The following CABIN1 variants were observed in gnomAD, a reference collection of about 807,000 sequenced individuals.
The protein encoded by CABIN1 is calcineurin-binding protein cabin-1.
A neutral mutation model predicts 227.7 loss-of-function variants in CABIN1; 133 were observed. The observed-to-expected ratio is 0.58, with a 90% CI of 0.51 to 0.67. The LOEUF (loss-of-function observed/expected upper bound fraction) is 0.67. CABIN1 is among the 30% of genes least tolerant of loss of function. The pLI, the probability that CABIN1 is intolerant of heterozygous loss-of-function variation, is 0.00. For missense variants in CABIN1, 2,408 were observed against 2,852.5 expected (o/e 0.84, Z 3.55); for synonymous variants, 1,086 against 1,155.1 (o/e 0.94, Z 1.21).
chr22:24,100,753 G>A (rs1325216121), intron 26 of CABIN1, among the ~76,000 whole-genome samples: 6 of 152,206 alleles, frequency 3.9e-5, no homozygotes, highest in African/African-American at 1.2e-4. Flanking sequence ...CAAAGGATCT[G>A]ATTTCCAGTC....
Position 24,119,547 on chromosome 22 carries a change from C to G in CABIN1, c.4481C>G (p.Pro1494Arg), listed in dbSNP as rs1342115408. The G allele has an allele frequency of 1.9e-6, 3 of 1,613,920 alleles. No homozygotes were observed. The change falls in exon 28 of 37, where the codon CCC (proline) becomes CGC (arginine). Residue 1494 changes from proline to arginine, a missense_variant. Coordinates refer to ENST00000263119, the MANE Select transcript of CABIN1 (RefSeq NM_012295.4). ...GDLPGEPVAFPQGLPAGAEEQ... is the reference protein window; with the variant it reads ...GDLPGEPVAFRQGLPAGAEEQ... ...CTCCCAGGGGAGCCAGTGGCCTTCCCCCAGGGGCTGCCGGCTGGTGCTGAG... is the reference window on the plus strand; with the variant it reads ...CTCCCAGGGGAGCCAGTGGCCTTCCGCCAGGGGCTGCCGGCTGGTGCTGAG...
chr22:24,013,669 G>A (rs972174562), intron 1 of CABIN1, among the ~76,000 whole-genome samples: 3 of 152,170 alleles, frequency 2.0e-5, no homozygotes, highest in African/African-American at 7.2e-5. Flanking sequence ...CATTACAGAT[G>A]TGATATGAAT....
At chr22:24,068,990 A>G (rs1469161811) in intron 16 of CABIN1, among the ~76,000 whole-genome samples, 1 of 152,258 alleles carries the variant, frequency 6.6e-6, no homozygotes, top group African/African-American at 2.4e-5. Flanking sequence ...CAACAGAGAG[A>G]TAAAAAGAGT....
chr22:24,117,548 G>C (rs913688300), intron 27 of CABIN1, among the ~76,000 whole-genome samples: 13 of 151,750 alleles, frequency 8.6e-5, no homozygotes, highest in East Asian at 3.9e-4. Context: ...GTTTTTTTGG[G>C]GGGGGGGTTA....
At chr22:24,142,947 C>T (rs544325166) in intron 29 of CABIN1, among the ~76,000 whole-genome samples, 1 of 152,192 alleles carries the variant, frequency 6.6e-6, no homozygotes, top group South Asian at 2.1e-4. Context: ...TTCATGCCAC[C>T]GCTGCTTGTC....
chr22:24,155,606 A>T (rs1381543030), intron 29 of CABIN1, among the ~76,000 whole-genome samples: 2 of 152,178 alleles, frequency 1.3e-5, no homozygotes, highest in Non-Finnish European at 2.9e-5. Context: ...TGTAACAGCA[A>T]GGACAGCTCG....
intron 5 of CABIN1, among the ~76,000 whole-genome samples, chr22:24,041,996 T>A (rs1410575656): frequency 2.6e-5 from 4 of 152,196 alleles, no homozygotes; most frequent in Non-Finnish European, 5.9e-5. Flanking sequence ...CTGTTGCCCA[T>A]GCTGGAGTGC....
At chr22:24,148,099 C>T (rs1317414890) in intron 29 of CABIN1, among the ~76,000 whole-genome samples, 3 of 152,172 alleles carry the variant, frequency 2.0e-5, no homozygotes, top group Admixed American at 2.0e-4. Flanking sequence ...TTAGAAGTTT[C>T]CCTCTTGAGA....
intron 26 of CABIN1, among the ~76,000 whole-genome samples, chr22:24,106,400 A>G (rs577920530): frequency 6.6e-6 from 1 of 152,332 alleles, no homozygotes; most frequent in East Asian, 1.9e-4. Context: ...CTCCCAGAGC[A>G]GGGGCTTCCT....
chr22:24,063,080 C>A lies in CABIN1; in HGVS notation c.1818C>A (p.Phe606Leu), dbSNP rs1355540899. 6.2e-7 allele frequency: 1 copy of A among 1,614,158 alleles called. No homozygotes were observed. The highest frequency in any genetic ancestry group is 8.5e-7 in the Non-Finnish European group (1 of 1,180,036). ...TTGCCTCGTCCCAGCGCGACCTGTT[C>A]GAGGATGGTTGGCTGGAGTTTGTGG... ...LSFASSQRDL[F>L]EDGWLEFVVR... Residue 606 changes from phenylalanine (F) to leucine (L), a missense_variant, in exon 14 of 37, where the codon TTC becomes TTA. Coordinates refer to ENST00000263119, the MANE Select transcript of CABIN1 (RefSeq NM_012295.4).
intron 29 of CABIN1, among the ~76,000 whole-genome samples, chr22:24,157,415 C>T (rs974879242): frequency 6.6e-6 from 1 of 152,152 alleles, no homozygotes; most frequent in Non-Finnish European, 1.5e-5. Context: ...GCCCAGCCGG[C>T]CTGGCTCTGT....
intron 1 of CABIN1, among the ~76,000 whole-genome samples, chr22:24,031,389 A>G (rs1046894216): frequency 5.3e-5 from 8 of 152,194 alleles, no homozygotes; most frequent in Non-Finnish European, 7.3e-5. Context: ...TCGCCATTTT[A>G]TATACAAGGA....
chr22:24,122,249 T>G (rs1317564400), intron 28 of CABIN1, among the ~76,000 whole-genome samples: 1 of 152,186 alleles, frequency 6.6e-6, no homozygotes, highest in Non-Finnish European at 1.5e-5. Flanking sequence ...ACCACAATTC[T>G]GCCACCCTAA....
At chr22:24,121,217 GAGATGGGC>G (rs2043391772) in intron 28 of CABIN1, among the ~76,000 whole-genome samples, 1 of 152,254 alleles carries the variant, frequency 6.6e-6, no homozygotes, top group African/African-American at 2.4e-5. Flanking sequence ...AGTTGGCCAA[GAGATGGGC>G]CCTGGCTTGG....
intron 34 of CABIN1, 64 bp downstream of exon 34, chr22:24,172,059 G>C (rs1245712728): frequency 4.5e-6 from 7 of 1,554,360 alleles, no homozygotes; most frequent in Non-Finnish European, 6.1e-6. Flanking sequence ...CTCCCTGCGG[G>C]GAGAGTGTGA....
chr22:24,020,591 C>T (rs1459490499), intron 1 of CABIN1, among the ~76,000 whole-genome samples: 1 of 152,190 alleles, frequency 6.6e-6, no homozygotes, highest in East Asian at 1.9e-4. Context: ...AGGCAGATTA[C>T]AGTCATGAGC....
intron 29 of CABIN1, among the ~76,000 whole-genome samples, chr22:24,161,129 A>G (rs1472980780): frequency 6.6e-6 from 1 of 152,106 alleles, no homozygotes; most frequent in Non-Finnish European, 1.5e-5. Context: ...AATTATTCAG[A>G]TTGTTAAAAT....
At chr22:24,130,811 G>C (rs1306991162) in intron 28 of CABIN1, among the ~76,000 whole-genome samples, 2 of 152,140 alleles carry the variant, frequency 1.3e-5, no homozygotes, top group African/African-American at 4.8e-5. Context: ...TTCTCTGGTG[G>C]GCCTGGGAGA....
intron 8 of CABIN1, among the ~76,000 whole-genome samples, 185 bp downstream of exon 8, chr22:24,051,159 G>A (rs1483481305): frequency 6.6e-6 from 1 of 152,182 alleles, no homozygotes; most frequent in Admixed American, 6.5e-5. Flanking sequence ...AAGCAGGTCA[G>A]CTCTCTCTCA....
Sources: allele counts gnomAD v4.1 joint callset (sites outside exome capture counted in the v4.1 genomes callset), GRCh38; gene constraint gnomAD v4.1.1; transcripts MANE v1.5; gene names NCBI Gene and HGNC (gene_info 2026-07-23, HGNC 2026-07-21).